The following MGST1 variants were observed in gnomAD, a reference collection of about 807,000 sequenced individuals.
The protein encoded by MGST1 is glutathione S-transferase 12.
In MGST1, 5 loss-of-function variants were observed where a neutral mutation model predicts 8.9. The observed-to-expected ratio is 0.56, with a 90% CI of 0.29 to 1.19. The LOEUF is 1.19. Among genes scored for constraint, MGST1 ranks in the 50% most tolerant of loss-of-function variants. MGST1 has a pLI of 0.08. For missense variants in MGST1, 182 were observed against 187.4 expected, an observed-to-expected ratio of 0.97 and a Z score of 0.17; for synonymous variants, 54 against 67.8, an observed-to-expected ratio of 0.80 and a Z score of 1.00.
downstream of MGST1, among the ~76,000 whole-genome samples, chr12:16,378,345 A>G (rs1044592113): frequency 5.1e-4 from 77 of 151,910 alleles, no homozygotes; most frequent in African/African-American, 1.7e-3. Context: ...GAAGGGATCC[A>G]GTTTCAGCTT....
intron 1 of MGST1, among the ~76,000 whole-genome samples, chr12:16,405,550 C>G (rs1218410515): frequency 1.3e-5 from 2 of 152,176 alleles, no homozygotes; most frequent in African/African-American, 2.4e-5. Flanking sequence ...AGGGACTCCT[C>G]TCCAACTCAT....
chr12:16,400,388 C>T (rs957392486), intron 1 of MGST1: 10 of 819,840 alleles, frequency 1.2e-5, no homozygotes, highest in Non-Finnish European at 2.2e-5. Context: ...ACACGGGCCT[C>T]CAGTGAGCCT....
In MGST1 at chr12:16,497,153, G is replaced by A. The variant is rs561718434; in HGVS notation, n.483-92375G>A. Among the ~76,000 whole-genome samples, 220 of 152,194 alleles carry A rather than the reference G, an allele frequency of 1.4e-3. 3 individuals are homozygous for A. The South Asian group carries it at 0.027, about 18-fold the overall frequency. ...CACTGAATCTGCATCCTTTGCTGTC[G>A]GAATCAAATGTTTGGCATTTTAGGA... is the stretch of plus-strand genomic sequence containing the variant. On this transcript the variant is annotated intron_variant and non_coding_transcript_variant, in intron 4 of 4. Transcript: ENST00000538857. This position sits in a 1 kb window ranked among gnomAD's most constrained non-coding sequence, Gnocchi z 4.4.
chr12:16,568,245 G>A (rs1255715897), intron 4 of MGST1, among the ~76,000 whole-genome samples: 1 of 152,118 alleles, frequency 6.6e-6, no homozygotes, highest in East Asian at 1.9e-4. Context: ...TGAATAATCT[G>A]TATAAAATAC....
At chr12:16,353,260 C>G (rs924536525) in intron 1 of MGST1, among the ~76,000 whole-genome samples, 1 of 152,016 alleles carries the variant, frequency 6.6e-6, no homozygotes, top group Non-Finnish European at 1.5e-5. Flanking sequence ...GACTTGATCT[C>G]TCGACCTCGT....
chr12:16,353,182 T>C (rs552132682), intron 1 of MGST1, among the ~76,000 whole-genome samples: 161 of 152,044 alleles, frequency 1.1e-3, no homozygotes, highest in African/African-American at 2.3e-3. Flanking sequence ...TACAGGCGCC[T>C]GCCACCACAC....
chr12:16,407,156 A>C (rs1940703228), intron 1 of MGST1, among the ~76,000 whole-genome samples: 1 of 152,264 alleles, frequency 6.6e-6, no homozygotes. Flanking sequence ...AAATATTTGC[A>C]AACTATGCAT....
At chr12:16,478,440 C>T (rs1941339149) in intron 4 of MGST1, among the ~76,000 whole-genome samples, 1 of 152,086 alleles carries the variant, frequency 6.6e-6, no homozygotes, top group Admixed American at 6.6e-5. Context: ...TTTTGAATCT[C>T]TCTCCATTCT....
intron 4 of MGST1, among the ~76,000 whole-genome samples, chr12:16,481,651 A>C (rs937770003): frequency 1.3e-5 from 2 of 152,212 alleles, no homozygotes; most frequent in East Asian, 3.8e-4. Context: ...TGGCTGAAGA[A>C]ATAATTAATA....
chr12:16,473,427 A>G (rs1941300660), intron 4 of MGST1, among the ~76,000 whole-genome samples: 1 of 152,208 alleles, frequency 6.6e-6, no homozygotes. Context: ...GTGTTGAAAT[A>G]TCTCACCACC....
intron 4 of MGST1, among the ~76,000 whole-genome samples, chr12:16,516,025 C>A (rs1275453176): frequency 6.6e-6 from 1 of 152,164 alleles, no homozygotes; most frequent in East Asian, 1.9e-4. Context: ...CCGCCCCCCA[C>A]CCTGCCACCC....
chr12:16,496,918 C>G (rs1233176165), intron 4 of MGST1, among the ~76,000 whole-genome samples: 1 of 151,984 alleles, frequency 6.6e-6, no homozygotes, highest in Admixed American at 6.6e-5. Flanking sequence ...TCCTATAAGA[C>G]CTTTTACAAA....
intron 1 of MGST1, among the ~76,000 whole-genome samples, chr12:16,398,186 A>T (rs1413695376): frequency 6.6e-6 from 1 of 152,122 alleles, no homozygotes; most frequent in Non-Finnish European, 1.5e-5. Context: ...ACAAACAAAC[A>T]TAAAATCCGA....
rs1268983300 is a variant in MGST1 at position 16,576,288 on chromosome 12, GTCT to G, written n.483-13235_483-13233del. 2.6e-5 allele frequency among the ~76,000 whole-genome samples: 4 copies of G among 152,098 alleles called. No individual in the cohort carries two copies. Among genetic ancestry groups the G allele is most frequent in the Non-Finnish European group, 5.9e-5 (4 of 68,026 alleles). On this transcript the variant is annotated intron_variant and non_coding_transcript_variant, in intron 4 of 4. Coordinates refer to the MGST1 transcript ENST00000538857. This position sits in a 1 kb window ranked among gnomAD's most constrained non-coding sequence, Gnocchi z 4.1. Reference sequence around the variant, plus strand: ...GAAGCATGAAAGGTCCATCCTGTCTGTCTTCTTTTCTGTCTTCTATCCCATCAC... The same window carrying G: ...GAAGCATGAAAGGTCCATCCTGTCTGTCTTTTCTGTCTTCTATCCCATCAC...
chr12:16,365,137 A>G (rs556628157), downstream of MGST1, among the ~76,000 whole-genome samples: 4 of 152,248 alleles, frequency 2.6e-5, no homozygotes, highest in East Asian at 1.9e-4. Flanking sequence ...TTTTATTTTT[A>G]TAATCATATG....
At chr12:16,368,500 A>G (rs1427629409), downstream of MGST1, among the ~76,000 whole-genome samples, 1 of 152,164 alleles carries the variant, frequency 6.6e-6, no homozygotes, top group African/African-American at 2.4e-5. Flanking sequence ...GGAAGCTGCT[A>G]GGTGTTCCTG....
At chr12:16,467,392 A>G (rs910214208) in intron 4 of MGST1, among the ~76,000 whole-genome samples, 1 of 152,214 alleles carries the variant, frequency 6.6e-6, no homozygotes, top group African/African-American at 2.4e-5. Flanking sequence ...AAACCATCAC[A>G]TTCAATATGT....
Position 16,495,199 on chromosome 12 carries a change from A to T in MGST1, n.483-94329A>T, listed in dbSNP as rs115664276. 2.5e-3 allele frequency among the ~76,000 whole-genome samples: 381 copies of T among 152,266 alleles called. 3 individuals carry two copies. The highest frequency in any genetic ancestry group is 8.9e-3 in the African/African-American group (372 of 41,572). Reference sequence around the variant, plus strand: ...TGAAACTGGAAGCCATTATCTTAAAATGAATTAATGCAGGAACAGAAAACC... The same window carrying T: ...TGAAACTGGAAGCCATTATCTTAAATTGAATTAATGCAGGAACAGAAAACC... On this transcript the variant is annotated intron_variant and non_coding_transcript_variant, in intron 4 of 4. Transcript: ENST00000538857.
At chr12:16,520,474 A>G (rs1481454938) in intron 4 of MGST1, among the ~76,000 whole-genome samples, 1 of 152,174 alleles carries the variant, frequency 6.6e-6, no homozygotes, top group Non-Finnish European at 1.5e-5. Flanking sequence ...AGAAGAGCAG[A>G]TGTCTGGACT....
Sources: gnomAD v4.1 joint callset for allele counts (sites outside exome capture counted in the v4.1 genomes callset) on GRCh38, gnomAD v4.1.1 for gene constraint, Gnocchi (gnomAD v3.1) non-coding constraint, MANE v1.5 for transcripts, NCBI Gene and HGNC (gene_info 2026-07-23, HGNC 2026-07-21) for gene names.